Variants in HSPA12A observed in about 807,000 individuals in gnomAD.
HSPA12A encodes heat shock protein family A (Hsp70) member 12A.
HSPA12A carries 28 observed loss-of-function variants against 69.2 expected under a neutral mutation model. That is an observed-to-expected ratio of 0.40 (90% CI 0.30 to 0.55). The LOEUF is 0.55. Ranked by LOEUF, HSPA12A falls within the 20% of genes least tolerant of loss-of-function variation. The pLI is 0.38. For synonymous variants in HSPA12A, 345 were observed against 370.5 expected, an observed-to-expected ratio of 0.93 and a Z score of 0.79; for missense variants, 686 against 900.7, an observed-to-expected ratio of 0.76 and a Z score of 3.05.
chr10:116,741,623 G>C (rs1589678290), intron 1 of HSPA12A, among the ~76,000 whole-genome samples: 1 of 152,072 alleles, frequency 6.6e-6, no homozygotes, highest in Non-Finnish European at 1.5e-5. Flanking sequence ...TACAGCCCTG[G>C]GCTCCGAAAC....
chr10:116,696,790 A>G (rs1849919825), intron 5 of HSPA12A, among the ~76,000 whole-genome samples: 1 of 151,572 alleles, frequency 6.6e-6, no homozygotes, highest in Non-Finnish European at 1.5e-5. Flanking sequence ...CCCTCCTTCC[A>G]CCTCAACTGC....
At chr10:116,687,043 CGAG>C (rs1392255064) in intron 6 of HSPA12A, among the ~76,000 whole-genome samples, 2 of 152,310 alleles carry the variant, frequency 1.3e-5, no homozygotes, top group African/African-American at 4.8e-5. Context: ...TTCTACAACT[CGAG>C]GGCATCCGAG....
intron 2 of HSPA12A, among the ~76,000 whole-genome samples, chr10:116,785,736 T>C (rs932507833): frequency 4.6e-5 from 7 of 152,166 alleles, no homozygotes; most frequent in Non-Finnish European, 7.4e-5. Context: ...TGGCATCTGC[T>C]GTCACCCCCT....
At chr10:116,818,034 T>C (rs1845340334) in intron 2 of HSPA12A, among the ~76,000 whole-genome samples, 1 of 152,176 alleles carries the variant, frequency 6.6e-6, no homozygotes, top group Non-Finnish European at 1.5e-5. Context: ...GGAGTGATCG[T>C]TTCTCACCTG....
At chr10:116,843,883 G>C (rs1387237863) in intron 1 of HSPA12A, among the ~76,000 whole-genome samples, 1 of 152,156 alleles carries the variant, frequency 6.6e-6, no homozygotes, top group Non-Finnish European at 1.5e-5. Flanking sequence ...TCTCTTCGTG[G>C]TGCTTAATTT....
intron 2 of HSPA12A, among the ~76,000 whole-genome samples, chr10:116,813,610 T>G (rs1284952181): frequency 6.6e-6 from 1 of 151,896 alleles, no homozygotes; most frequent in Admixed American, 6.6e-5. Context: ...CAGGCACAGT[T>G]GCTCACATCT....
intron 1 of HSPA12A, among the ~76,000 whole-genome samples, chr10:116,717,800 T>C (rs1850654368): frequency 6.6e-6 from 1 of 152,214 alleles, no homozygotes; most frequent in African/African-American, 2.4e-5. Context: ...GTTTTGCTTC[T>C]CTAGGCTTGT....
chr10:116,688,145 G>A (rs782004244), intron 6 of HSPA12A, among the ~76,000 whole-genome samples: 2 of 152,180 alleles, frequency 1.3e-5, no homozygotes, highest in Non-Finnish European at 2.9e-5. Flanking sequence ...CTCTCCTGCA[G>A]GATGGTGGAT....
At chr10:116,717,043 G>A (rs1349608128) in intron 1 of HSPA12A, among the ~76,000 whole-genome samples, 1 of 152,164 alleles carries the variant, frequency 6.6e-6, no homozygotes, top group African/African-American at 2.4e-5. Context: ...ATCATAGTCA[G>A]CACTCACTGC....
At chr10:116,839,625 A>C (rs1206334411) in intron 1 of HSPA12A, among the ~76,000 whole-genome samples, 5 of 151,660 alleles carry the variant, frequency 3.3e-5, no homozygotes, top group Middle Eastern at 3.4e-3. Flanking sequence ...AAAAAAAAAA[A>C]AAAAACCTAA....
At chr10:116,681,451 A>T (rs1849398957) in intron 8 of HSPA12A, among the ~76,000 whole-genome samples, 195 bp from the exon 9 acceptor site, 2 of 152,230 alleles carry the variant, frequency 1.3e-5, no homozygotes, top group African/African-American at 2.4e-5. Flanking sequence ...ATGGTTAGAC[A>T]TGGACGATGG....
At chr10:116,797,932 C>T (rs1203499519) in intron 2 of HSPA12A, among the ~76,000 whole-genome samples, 2 of 152,126 alleles carry the variant, frequency 1.3e-5, no homozygotes, top group African/African-American at 4.8e-5. Flanking sequence ...AGCCAGAAGC[C>T]AGGCAGAAGG....
At chr10:116,707,433 G>T in intron 1 of HSPA12A, 148 bp from the exon 2 acceptor site, 1 of 653,968 alleles carries the variant, frequency 1.5e-6, no homozygotes, top group South Asian at 1.7e-5. Context: ...CCCCAGCCAG[G>T]AAGGCAGGAA....
intron 11 of HSPA12A, 144 bp downstream of exon 11, chr10:116,676,255 C>T: frequency 1.5e-6 from 1 of 666,786 alleles, no homozygotes; most frequent in Non-Finnish European, 2.7e-6. Context: ...ATGCCCAAGC[C>T]CTGCCCAGTC....
chr10:116,681,945 C>T, intron 7 of HSPA12A, 68 bp from the exon 8 acceptor site: 1 of 1,415,976 alleles, frequency 7.1e-7, no homozygotes, highest in South Asian at 1.2e-5. Flanking sequence ...CATTTGCAGT[C>T]AGTGAAGGCA....
At chr10:116,721,893 C>G (rs10886005) in intron 1 of HSPA12A, among the ~76,000 whole-genome samples, 122,369 of 152,222 alleles carry the variant, frequency 0.8, 51,074 homozygotes, top group Non-Finnish European at 0.92. Context: ...AATGAGTGAA[C>G]ACACGTGGCC....
intron 2 of HSPA12A, among the ~76,000 whole-genome samples, chr10:116,756,671 A>C (rs555159720): frequency 6.6e-6 from 1 of 152,284 alleles, no homozygotes; most frequent in East Asian, 1.9e-4. Flanking sequence ...GACTTTGCAA[A>C]CCGTTTTGAA....
At chr10:116,698,823 C>A in intron 4 of HSPA12A, 84 bp from the exon 5 acceptor site, 1 of 1,036,308 alleles carries the variant, frequency 9.6e-7, no homozygotes, top group South Asian at 1.3e-5. Context: ...CCAAGGGGAC[C>A]TAGAGGATCC....
At chr10:116,841,799 A>C (rs887923375) in intron 1 of HSPA12A, among the ~76,000 whole-genome samples, 2 of 151,528 alleles carry the variant, frequency 1.3e-5, no homozygotes, top group Non-Finnish European at 2.9e-5. Context: ...TTTTTTTTTA[A>C]TACTCAAAGA....
Sources: gnomAD v4.1 joint callset for allele counts (sites outside exome capture counted in the v4.1 genomes callset) on GRCh38, gnomAD v4.1.1 for gene constraint, MANE v1.5 for transcripts, NCBI Gene and HGNC (gene_info 2026-07-23, HGNC 2026-07-21) for gene names.